The following HTR1F variants were observed in gnomAD, a reference collection of about 807,000 sequenced individuals.
The protein encoded by HTR1F is 5-hydroxytryptamine (serotonin) receptor 1F, G protein-coupled.
HTR1F carries 17 observed loss-of-function variants against 24.0 expected under a neutral mutation model. That is an observed-to-expected ratio of 0.71 (90% CI 0.48 to 1.06). The LOEUF (loss-of-function observed/expected upper bound fraction) is 1.06. HTR1F is among the 50% of genes least tolerant of loss of function. HTR1F has a pLI of 0.00. For synonymous variants in HTR1F, 186 were observed against 156.8 expected, an observed-to-expected ratio of 1.19 and a Z score of -1.39; for missense variants, 391 against 427.8, an observed-to-expected ratio of 0.91 and a Z score of 0.76.
chr3:87,893,973 T>C (rs1171184763), intron 2 of HTR1F, among the ~76,000 whole-genome samples: 1 of 152,092 alleles, frequency 6.6e-6, no homozygotes, highest in Non-Finnish European at 1.5e-5. Flanking sequence ...GTTTACTCAT[T>C]TTTTTTCCTT....
At chr3:87,862,970 C>A (rs1189337259) in intron 2 of HTR1F, among the ~76,000 whole-genome samples, 1 of 152,098 alleles carries the variant, frequency 6.6e-6, no homozygotes, top group Admixed American at 6.5e-5. Context: ...ACATGTGCCA[C>A]CACCACTGGC....
intron 2 of HTR1F, among the ~76,000 whole-genome samples, chr3:87,919,259 C>T (rs1468019629): frequency 2.0e-5 from 3 of 152,098 alleles, no homozygotes; most frequent in Admixed American, 6.6e-5. Flanking sequence ...AGACTTGAAA[C>T]TATAAAAATC....
chr3:87,852,526 T>G (rs912132840), intron 2 of HTR1F, among the ~76,000 whole-genome samples: 2 of 151,828 alleles, frequency 1.3e-5, no homozygotes, highest in Admixed American at 1.3e-4. Context: ...TACCAAATTC[T>G]TATTGCCTGT....
chr3:87,991,901 A>G lies in HTR1F; in HGVS notation c.*51A>G. ...ATGGGGGTTTTTGAGGGGAGGAATA[A>G]CTAGATGAATGCCAAATAATAAAAC... On this transcript the variant is annotated 3_prime_UTR_variant, in exon 3 of 3. Coordinates refer to ENST00000319595, the MANE Select transcript of HTR1F (RefSeq NM_001322209.2). 2.8e-6 allele frequency: 4 copies of G among 1,453,502 alleles called. No homozygotes were observed. Among genetic ancestry groups the G allele is most frequent in the South Asian group, 1.4e-5 (1 of 69,514 alleles). The allele number at this position is 1,453,502 out of a possible 1,614,324, so 90.0% of individuals were successfully genotyped here. A position where few individuals can be genotyped will look rare whatever the true frequency, so the allele number is the denominator to read the frequency against.
At chr3:87,816,325 T>G (rs575083743) in intron 1 of HTR1F, among the ~76,000 whole-genome samples, 23 of 152,272 alleles carry the variant, frequency 1.5e-4, no homozygotes, top group Non-Finnish European at 2.8e-4. Context: ...TTTTTTTACA[T>G]TTTAAGCATT....
intron 2 of HTR1F, among the ~76,000 whole-genome samples, chr3:87,968,384 T>C (rs75516830): frequency 0.089 from 13,542 of 152,148 alleles, 651 homozygotes; most frequent in African/African-American, 0.11. Flanking sequence ...AGCTAATTTT[T>C]GTATTTTTAG....
chr3:87,813,569 GA>G (rs1237047067), intron 1 of HTR1F, among the ~76,000 whole-genome samples: 7 of 152,302 alleles, frequency 4.6e-5, no homozygotes, highest in South Asian at 2.1e-4. Context: ...GATTGGTTTT[GA>G]ACTGTGAAAA....
At chr3:87,834,924 G>T (rs1235874632) in intron 2 of HTR1F, among the ~76,000 whole-genome samples, 15 of 152,144 alleles carry the variant, frequency 9.9e-5, no homozygotes, top group Non-Finnish European at 2.9e-5. Flanking sequence ...AGACCATATG[G>T]CCTGCAAAGT....
chr3:87,936,420 G>A (rs189491961), intron 2 of HTR1F, among the ~76,000 whole-genome samples: 2 of 152,168 alleles, frequency 1.3e-5, no homozygotes, highest in East Asian at 3.9e-4. Flanking sequence ...GAGTCTCCAC[G>A]ACTGCTTTAG....
At chr3:87,956,002 G>T (rs1704935692) in intron 2 of HTR1F, among the ~76,000 whole-genome samples, 1 of 151,226 alleles carries the variant, frequency 6.6e-6, no homozygotes, top group African/African-American at 2.4e-5. Context: ...CCATTCTGTG[G>T]CTTGACTTTA....
intron 2 of HTR1F, among the ~76,000 whole-genome samples, chr3:87,925,380 TG>T (rs1704101757): frequency 6.6e-6 from 1 of 152,106 alleles, no homozygotes; most frequent in Admixed American, 6.6e-5. Flanking sequence ...CTCAGTTACT[TG>T]GGTCTTGGAA....
At chr3:87,886,909 T>C (rs1213392291) in intron 2 of HTR1F, among the ~76,000 whole-genome samples, 1 of 152,166 alleles carries the variant, frequency 6.6e-6, no homozygotes, top group Non-Finnish European at 1.5e-5. Context: ...CCCAAGGTAA[T>C]TTATAGATTC....
intron 2 of HTR1F, among the ~76,000 whole-genome samples, chr3:87,917,892 C>T (rs1703929924): frequency 1.3e-5 from 2 of 152,100 alleles, no homozygotes; most frequent in South Asian, 4.2e-4. Flanking sequence ...CACCCTAATA[C>T]CAAAACCAGT....
At chr3:87,990,650 G>C (rs1705799827) in intron 2 of HTR1F, 58 bp from the exon 3 acceptor site, 1 of 804,106 alleles carries the variant, frequency 1.2e-6, no homozygotes, top group Non-Finnish European at 2.0e-6. Flanking sequence ...TATTCTGAAA[G>C]GAAGAGAAAA....
chr3:87,850,402 G>C (rs1209958271), intron 2 of HTR1F, among the ~76,000 whole-genome samples: 1 of 151,782 alleles, frequency 6.6e-6, no homozygotes, highest in Non-Finnish European at 1.5e-5. Context: ...GGTCGGAATT[G>C]AACAATGAGA....
Position 87,892,346 on chromosome 3 carries a change from CTTTCA to C in HTR1F, c.-43+70226_-43+70230del, listed in dbSNP as rs1033800519. 1.6e-4 allele frequency among the ~76,000 whole-genome samples: 25 copies of C among 152,232 alleles called. 1 individual carries two copies. The highest frequency in any genetic ancestry group is 1.5e-3 in the Admixed American group (23 of 15,286). On this transcript the variant is annotated intron_variant, in intron 2 of 2. Transcript: ENST00000319595. ...CTAGAAGATGTTAAAGCCTCTATCT[CTTTCA>C]TTTAACATTTTTATTTCCATTGATT...
chr3:87,836,101 G>T (rs949827443), intron 2 of HTR1F, among the ~76,000 whole-genome samples: 2 of 152,204 alleles, frequency 1.3e-5, no homozygotes, highest in Non-Finnish European at 1.5e-5. Flanking sequence ...TATCTGCAAA[G>T]TGGTGAACAT....
chr3:87,864,637 T>C (rs913775745), intron 2 of HTR1F, among the ~76,000 whole-genome samples: 4 of 152,134 alleles, frequency 2.6e-5, no homozygotes, highest in African/African-American at 9.6e-5. Flanking sequence ...GGATCATGCC[T>C]GTAATCCCAG....
intron 2 of HTR1F, among the ~76,000 whole-genome samples, chr3:87,903,923 A>T (rs1371181879): frequency 6.6e-6 from 1 of 152,170 alleles, no homozygotes; most frequent in East Asian, 1.9e-4. Flanking sequence ...TAACCAAACG[A>T]TTATTTAAGA....
Sources: allele counts gnomAD v4.1 joint callset (sites outside exome capture counted in the v4.1 genomes callset), GRCh38; gene constraint gnomAD v4.1.1; transcripts MANE v1.5; gene names NCBI Gene and HGNC (gene_info 2026-07-23, HGNC 2026-07-21).